LDHAL6A: variants seen among roughly 807,000 people sequenced by gnomAD.
LDHAL6A encodes L-lactate dehydrogenase A-like 6A.
LDHAL6A carries 19 observed loss-of-function variants against 28.2 expected under a neutral mutation model. That is an observed-to-expected ratio of 0.67 (90% CI 0.47 to 0.99). The LOEUF (loss-of-function observed/expected upper bound fraction) is 0.99. LDHAL6A is among the 50% of genes least tolerant of loss of function. The probability of loss-of-function intolerance (pLI) is 0.00; values close to 1 mark genes in which losing one functional copy is unlikely to be tolerated. For missense variants in LDHAL6A, 372 were observed against 398.6 expected, an observed-to-expected ratio of 0.93 and a Z score of 0.57; for synonymous variants, 144 against 134.4, an observed-to-expected ratio of 1.07 and a Z score of -0.49.
chr11:18,468,612 C>G (rs1418239306), intron 3 of LDHAL6A: 1 of 151,980 alleles, frequency 6.6e-6, no homozygotes, highest in Non-Finnish European at 1.5e-5. Context: ...AGTGCTGGGA[C>G]TACAGGCATG....
At position 18,479,502 on chromosome 11, in the gene LDHAL6A, C is replaced by T. The variant is rs760256361; in HGVS notation, c.*632C>T. 3.3e-5 allele frequency: 5 copies of T among 151,962 alleles called. No individual in the cohort carries two copies. The highest frequency in any genetic ancestry group is 7.4e-5 in the Non-Finnish European group (5 of 68,014). The allele number at this position is 151,962 out of a possible 1,614,324, so 9.4% of individuals were successfully genotyped here. A position where few individuals can be genotyped will look rare whatever the true frequency, so the allele number is the denominator to read the frequency against. On this transcript the variant is annotated 3_prime_UTR_variant, in exon 7 of 7. Coordinates refer to ENST00000280706, the MANE Select transcript of LDHAL6A (RefSeq NM_144972.5). ...ATGGCTTAATACCTATGTTCATTTA[C>T]ATGCTATCTCTACAATGTAAAAATA...
chr11:18,464,733 T>C (rs1590249843), intron 2 of LDHAL6A, among the ~76,000 whole-genome samples: 1 of 145,248 alleles, frequency 6.9e-6, no homozygotes, highest in African/African-American at 2.6e-5. Context: ...AAAAAAAAAG[T>C]GATGGAGTAG....
chr11:18,477,346 C>T (rs570994187), intron 5 of LDHAL6A, among the ~76,000 whole-genome samples: 1 of 152,108 alleles, frequency 6.6e-6, no homozygotes, highest in African/African-American at 2.4e-5. Flanking sequence ...GTAATCCCAG[C>T]TACTCAGGAG....
chr11:18,475,630 G>A lies in LDHAL6A; in HGVS notation c.583G>A (p.Asp195Asn), dbSNP rs796971912. Residue 195 changes from aspartate (D) to asparagine (N), a missense_variant, in exon 4 of 7, where the codon GAC becomes AAC. By Grantham distance (23) the Asp-to-Asn change is conservative. This residue lies in a region of LDHAL6A where 291 missense variants were observed against 302.9 expected (regional missense o/e 0.96). Transcript: ENST00000280706. ...TGGGCTGATCCTTGGAGAGCATGGCGACTCAAGTGGTAAGCCTGAGGCACG... is the reference window on the plus strand; with the variant it reads ...TGGGCTGATCCTTGGAGAGCATGGCAACTCAAGTGGTAAGCCTGAGGCACG... ...CHGLILGEHG[D>N]SSVPVWSGVN... The A allele has an allele frequency of 1.7e-5, 28 of 1,612,344 alleles. No homozygotes were observed. Among genetic ancestry groups the A allele is most frequent in the Middle Eastern group, 1.6e-4 (1 of 6,072 alleles).
At position 18,476,375 on chromosome 11, in the gene LDHAL6A, C is replaced by G. The variant is rs766364313; in HGVS notation, c.593-9C>G. 9.9e-6 allele frequency: 16 copies of G among 1,609,810 alleles called. No homozygotes were observed. On this transcript the variant is annotated splice_polypyrimidine_tract_variant and intron_variant, in intron 4 of 6. Coordinates refer to ENST00000280706, the MANE Select transcript of LDHAL6A (RefSeq NM_144972.5). ...GTAAGAAGTGGGATTTTGGGTGTCT[C>G]TTTCTTAGTTCCTGTGTGGAGTGGT...
chr11:18,466,475 G>A (rs956760536), intron 3 of LDHAL6A, among the ~76,000 whole-genome samples: 1 of 151,816 alleles, frequency 6.6e-6, no homozygotes, highest in African/African-American at 2.4e-5. Flanking sequence ...CAACATGACA[G>A]AACTCCATCT....
At chr11:18,475,428 G>A in intron 3 of LDHAL6A, 38 bp from the exon 4 acceptor site, 1 of 1,491,626 alleles carries the variant, frequency 6.7e-7, no homozygotes, top group South Asian at 1.2e-5. Flanking sequence ...TATCCTTGTA[G>A]ATGAGGACAT....
intron 2 of LDHAL6A, 23 bp downstream of exon 2, chr11:18,464,101 A>AT (rs773267925): frequency 1.4e-6 from 2 of 1,398,678 alleles, no homozygotes; most frequent in Non-Finnish European, 2.0e-6. Context: ...GTTAAATACT[A>AT]TAAATATTCT....
chr11:18,476,436 C>T lies in LDHAL6A; in HGVS notation c.645C>T (p.Asn215=), dbSNP rs368556136. The change falls in exon 5 of 7, where the codon AAC becomes AAT. Residue 215 remains asparagine (N), a synonymous_variant. Transcript: ENST00000280706. The part of the protein sequence containing the change: ...NIAGVPLKDL[N]PDIGTDKDPE... The stretch of plus-strand genomic sequence containing the variant: ...CTGGCGTCCCTCTGAAGGATCTGAA[C>T]CCAGATATAGGAACTGATAAAGATC... The T allele has an allele frequency of 1.9e-6, 3 of 1,613,998 alleles. No individual in the cohort carries two copies. Among genetic ancestry groups the T allele is most frequent in the East Asian group, 4.5e-5 (2 of 44,872 alleles).
Position 18,468,025 on chromosome 11 carries a change from G to GTA in LDHAL6A, c.418+2226_418+2227dup, listed in dbSNP as rs374716640. Among the ~76,000 whole-genome samples, 167 of 54,996 alleles carry GTA rather than the reference G, an allele frequency of 3.0e-3. 6 individuals are homozygous for GTA. Among genetic ancestry groups the GTA allele is most frequent in the East Asian group, 0.026 (32 of 1,218 alleles). 36.1% of individuals were successfully genotyped at this position (54,996 alleles called of 152,430 possible). ...TACGTATATATATACATATATATAC[G>GTA]TATATATATATACATATATATACGT... On this transcript the variant is annotated intron_variant, in intron 3 of 6. Transcript: ENST00000280706.
intron 3 of LDHAL6A, among the ~76,000 whole-genome samples, chr11:18,475,004 G>A (rs922535328): frequency 1.3e-5 from 2 of 152,262 alleles, no homozygotes; most frequent in African/African-American, 4.8e-5. Flanking sequence ...ACTTTGGGAG[G>A]CCAAGGTAGG....
At chr11:18,464,977 G>GTTTTTTTGTTTTTTTTT (rs1565068683) in intron 2 of LDHAL6A, among the ~76,000 whole-genome samples, 9 of 125,562 alleles carry the variant, frequency 7.2e-5, no homozygotes, top group Admixed American at 5.0e-4. Flanking sequence ...TGTTTTTTTT[G>GTTTTTTTGTTTTTTTTT]TTTTTTTTTG....
intron 3 of LDHAL6A, among the ~76,000 whole-genome samples, chr11:18,469,838 AAAAC>A (rs202192911): frequency 2.1e-4 from 32 of 148,954 alleles, no homozygotes; most frequent in South Asian, 1.3e-3. Flanking sequence ...ATACAAAACA[AAAAC>A]AAAAACAAAA....
In LDHAL6A at chr11:18,476,488, A is replaced by C; in HGVS notation, c.697A>C (p.Lys233Gln). Residue 233 changes from lysine to glutamine, a missense_variant, in exon 5 of 7, where the codon AAA becomes CAA. Physicochemically the swap from Lys to Gln is moderately conservative, Grantham distance 53 (BLOSUM62 1). Coordinates refer to ENST00000280706, the MANE Select transcript of LDHAL6A (RefSeq NM_144972.5). ...TGAGCAGTGGGAAAATGTCCACAAA[A>C]AAGTGATTTCCAGGTAATATGCTAG... is the stretch of plus-strand genomic sequence containing the variant. ...DPEQWENVHK[K>Q]VISSGYEMVK... The C allele has an allele frequency of 6.2e-7, 1 of 1,613,838 alleles. No homozygotes were observed. The highest frequency in any genetic ancestry group is 1.7e-5 in the Admixed American group (1 of 59,930).
At position 18,479,526 on chromosome 11, in the gene LDHAL6A, TAA is replaced by T. The variant is rs1316777246; in HGVS notation, c.*659_*660del. On this transcript the variant is annotated 3_prime_UTR_variant, in exon 7 of 7. Transcript: ENST00000280706. ...ACATGCTATCTCTACAATGTAAAAA[TAA>T]AAGTGTATATATATACACACACACA... 2.6e-5 allele frequency: 4 copies of T among 151,272 alleles called. No homozygotes were observed. Among genetic ancestry groups the T allele is most frequent in the Non-Finnish European group, 5.9e-5 (4 of 67,930 alleles). The allele number at this position is 151,272 out of a possible 1,614,324, so 9.4% of individuals were successfully genotyped here.
At chr11:18,462,086 C>CA (rs1198585130) in intron 1 of LDHAL6A, among the ~76,000 whole-genome samples, 1 of 151,714 alleles carries the variant, frequency 6.6e-6, no homozygotes, top group Non-Finnish European at 1.5e-5. Context: ...GTGGGAGGAT[C>CA]ATCTGAGCCT....
chr11:18,456,216 C>T lies in LDHAL6A; in HGVS notation c.-465C>T, dbSNP rs79901856. ...TGTGACCTGCTCGGGCGCGGGTGGC[C>T]CTTCACCCCTGTGAGTGTGGCCAGA... On this transcript the variant is annotated 5_prime_UTR_variant, in exon 1 of 7. Coordinates refer to ENST00000280706, the MANE Select transcript of LDHAL6A (RefSeq NM_144972.5). 4.5e-3 allele frequency: 749 copies of T among 165,900 alleles called. 4 individuals carry two copies. The highest frequency in any genetic ancestry group is 0.017 in the African/African-American group (718 of 41,660). 10.3% of individuals were successfully genotyped at this position (165,900 alleles called of 1,614,324 possible).
At position 18,474,989 on chromosome 11, in the gene LDHAL6A, C is replaced by T. The variant is rs544867092; in HGVS notation, c.419-477C>T. On this transcript the variant is annotated intron_variant, in intron 3 of 6. Transcript: ENST00000280706. ...GGCACGGTGGCTCACGCCTGTAGTC[C>T]GAACACTTTGGGAGGCCAAGGTAGG... 3.0e-4 allele frequency among the ~76,000 whole-genome samples: 46 copies of T among 152,210 alleles called. No homozygotes were observed. In the South Asian group the frequency reaches 4.6e-3, roughly 15 times the overall value.
intron 2 of LDHAL6A, among the ~76,000 whole-genome samples, chr11:18,464,966 G>A (rs559332591): frequency 2.3e-5 from 1 of 43,474 alleles, no homozygotes; most frequent in South Asian, 1.1e-3. Context: ...AGGAGGTGAG[G>A]TGTTTTTTTT....
Sources: gnomAD v4.1 joint callset for allele counts (sites outside exome capture counted in the v4.1 genomes callset) on GRCh38, gnomAD v4.1.1 for gene constraint, gnomAD v4.1.1 regional missense constraint, MANE v1.5 for transcripts, NCBI Gene and HGNC (gene_info 2026-07-23, HGNC 2026-07-21) for gene names.